The following TENM2 variants were observed in gnomAD, a reference collection of about 807,000 sequenced individuals.
TENM2 encodes the protein teneurin-2.
Under a neutral mutation model 245.2 loss-of-function variants are expected in TENM2, and 52 were observed. That is an observed-to-expected ratio of 0.21 (90% CI 0.17 to 0.27). The LOEUF (loss-of-function observed/expected upper bound fraction) is 0.27. TENM2 is among the 10% of genes least tolerant of loss of function. The pLI is 1.00. For missense variants in TENM2, 3,046 were observed against 3,666.8 expected, an observed-to-expected ratio of 0.83 and a Z score of 4.37; for synonymous variants, 1,363 against 1,438.9, an observed-to-expected ratio of 0.95 and a Z score of 1.19.
chr5:167,631,168 A>AG (rs748327308), intron 2 of TENM2, among the ~76,000 whole-genome samples: 113 of 152,234 alleles, frequency 7.4e-4, no homozygotes, highest in Middle Eastern at 6.8e-3. Context: ...ATTACAGTTG[A>AG]GAAAAAAAAA....
At chr5:167,595,320 C>G (rs2127714520) in intron 2 of TENM2, among the ~76,000 whole-genome samples, 1 of 152,002 alleles carries the variant, frequency 6.6e-6, no homozygotes, top group African/African-American at 2.4e-5. Flanking sequence ...CTTAAGGTGC[C>G]AAGAAATATC....
intron 12 of TENM2, among the ~76,000 whole-genome samples, chr5:168,155,933 A>C (rs1757123356): frequency 6.9e-6 from 1 of 145,042 alleles, no homozygotes; most frequent in African/African-American, 2.5e-5. Context: ...AATTGTAAGT[A>C]CGGTCTTGTG....
intron 4 of TENM2, among the ~76,000 whole-genome samples, chr5:167,978,550 A>T (rs1192363430): frequency 6.6e-6 from 1 of 152,228 alleles, no homozygotes; most frequent in Non-Finnish European, 1.5e-5. Context: ...GAGTCCATTT[A>T]TCTGACATAT....
the TENM2 span, among the ~76,000 whole-genome samples, chr5:167,127,982 A>G: frequency 5.9e-5 from 9 of 152,224 alleles, no homozygotes; most frequent in Non-Finnish European, 1.2e-4. Context: ...CCCACTGCCC[A>G]GGGTCTTTCT....
intron 3 of TENM2, among the ~76,000 whole-genome samples, chr5:167,907,972 A>T (rs1355047376): frequency 1.3e-5 from 2 of 152,070 alleles, no homozygotes; most frequent in Non-Finnish European, 2.9e-5. Flanking sequence ...ATGTTTATAG[A>T]TAGATAACCA....
intron 6 of TENM2, among the ~76,000 whole-genome samples, chr5:168,060,151 G>A (rs1474563550): frequency 6.6e-6 from 1 of 151,608 alleles, no homozygotes. Context: ...ATTTTGGGAG[G>A]CCAAAGCTGG....
chr5:167,382,513 G>A (rs998017367), intron 2 of TENM2, among the ~76,000 whole-genome samples: 96 of 152,172 alleles, frequency 6.3e-4, no homozygotes, highest in African/African-American at 2.3e-3. Flanking sequence ...ACATTCAGGA[G>A]TGACTCTCAC....
At chr5:167,608,788 T>C (rs1777239758) in intron 2 of TENM2, among the ~76,000 whole-genome samples, 1 of 152,124 alleles carries the variant, frequency 6.6e-6, no homozygotes, top group Admixed American at 6.5e-5. Context: ...TTCCTGAAAA[T>C]GCTTTTGTGC....
chr5:167,460,777 T>C (rs1300664269), intron 2 of TENM2, among the ~76,000 whole-genome samples: 1 of 152,184 alleles, frequency 6.6e-6, no homozygotes. Flanking sequence ...TGAATTTCAG[T>C]TGGGTAAATG....
rs552426414 is a variant in TENM2, at chr5:168,017,865, A to G, written c.1186+24683A>G. ...ATGCCATTTTTGCCCTTCATCGTTG[A>G]TGTCATTTGACTCTTCAGGCCCCCC... is the stretch of plus-strand genomic sequence containing the variant. On this transcript the variant is annotated intron_variant, in intron 5 of 28. Coordinates refer to ENST00000518659, the Ensembl canonical transcript of TENM2. 1.9e-4 allele frequency among the ~76,000 whole-genome samples: 29 copies of G among 152,232 alleles called. No individual in the cohort carries two copies. In the South Asian group the frequency reaches 6.0e-3, roughly 32 times the overall value.
intron 2 of TENM2, among the ~76,000 whole-genome samples, chr5:167,524,248 T>C (rs1361984590): frequency 6.6e-6 from 1 of 152,092 alleles, no homozygotes; most frequent in Non-Finnish European, 1.5e-5. Flanking sequence ...TCAATAGCCA[T>C]GAGACTTTGT....
intron 1 of TENM2, among the ~76,000 whole-genome samples, chr5:167,370,736 A>G (rs1178635171): frequency 1.3e-5 from 2 of 152,250 alleles, no homozygotes; most frequent in African/African-American, 4.8e-5. Flanking sequence ...GGAGGCAGAT[A>G]GAAGATAAAT....
chr5:167,321,802 G>GGGC (rs1756753551), intron 1 of TENM2, among the ~76,000 whole-genome samples: 1 of 3,316 alleles, frequency 3.0e-4, no homozygotes, highest in African/African-American at 1.0e-3. Flanking sequence ...TTTTTTTTTT[G>GGGC]GGGGGGGGGG....
intron 12 of TENM2, among the ~76,000 whole-genome samples, chr5:168,128,212 G>A (rs572885679): frequency 1.3e-5 from 2 of 152,302 alleles, no homozygotes; most frequent in South Asian, 2.1e-4. Flanking sequence ...GCAATCTCTC[G>A]ATGACGCTCC....
chr5:168,198,265 G>A (rs886815692), intron 15 of TENM2, among the ~76,000 whole-genome samples: 18 of 137,400 alleles, frequency 1.3e-4, no homozygotes, highest in South Asian at 6.8e-4. Flanking sequence ...GCGCAATCTC[G>A]GCCCACTGCA....
the TENM2 span, among the ~76,000 whole-genome samples, chr5:167,043,534 G>C: frequency 2.6e-5 from 4 of 152,132 alleles, no homozygotes; most frequent in Non-Finnish European, 5.9e-5. Flanking sequence ...ATGTGAAAAA[G>C]TGCATCATGC....
chr5:167,706,295 A>G (rs1758518330), intron 2 of TENM2, among the ~76,000 whole-genome samples: 1 of 147,252 alleles, frequency 6.8e-6, no homozygotes, highest in Non-Finnish European at 1.5e-5. Context: ...TATATATTAT[A>G]TATGTATCAC....
At chr5:167,369,675 T>C (rs1168616449) in intron 1 of TENM2, among the ~76,000 whole-genome samples, 1 of 152,182 alleles carries the variant, frequency 6.6e-6, no homozygotes, top group African/African-American at 2.4e-5. Flanking sequence ...TTCATGTTAT[T>C]ACAACTTTTA....
the TENM2 span, among the ~76,000 whole-genome samples, chr5:167,262,838 A>G: frequency 1.3e-5 from 2 of 152,122 alleles, no homozygotes; most frequent in African/African-American, 2.4e-5. Flanking sequence ...CAAAAATGCC[A>G]TAGACTGGGT....
Sources: gnomAD v4.1 joint callset for allele counts (sites outside exome capture counted in the v4.1 genomes callset) on GRCh38, gnomAD v4.1.1 for gene constraint, MANE v1.5 for transcripts, NCBI Gene and HGNC (gene_info 2026-07-23, HGNC 2026-07-21) for gene names.